Variants in RGS6 observed in about 807,000 individuals in gnomAD.
RGS6 encodes the protein regulator of G protein signaling 6, also known as regulator of G-protein signaling 6.
Under a neutral mutation model 78.5 loss-of-function variants are expected in RGS6, and 30 were observed. The observed-to-expected ratio is 0.38, with a 90% confidence interval of 0.29 to 0.52. The LOEUF (loss-of-function observed/expected upper bound fraction) is 0.52, where lower values mean the gene tolerates loss of function less well. Among genes scored for constraint, RGS6 ranks in the 20% least tolerant of loss-of-function variants. The pLI is 0.85. For synonymous variants in RGS6, 206 were observed against 206.0 expected (o/e 1.00, Z 0.00); for missense variants, 495 against 609.7 (o/e 0.81, Z 1.98).
intron 2 of RGS6, among the ~76,000 whole-genome samples, chr14:72,207,358 AC>A (rs1254365823): frequency 2.0e-5 from 3 of 152,230 alleles, no homozygotes; most frequent in Non-Finnish European, 4.4e-5. Context: ...ATATGAGATT[AC>A]TGGAAACTAG....
intron 2 of RGS6, among the ~76,000 whole-genome samples, chr14:72,274,920 A>G (rs890569497): frequency 1.3e-5 from 2 of 152,258 alleles, no homozygotes; most frequent in African/African-American, 4.8e-5. Flanking sequence ...AGAAACTAAT[A>G]CAGTTTATCT....
intron 2 of RGS6, among the ~76,000 whole-genome samples, chr14:72,143,086 G>A (rs2096561988): frequency 6.6e-6 from 1 of 152,144 alleles, no homozygotes; most frequent in Admixed American, 6.6e-5. Context: ...GAAGACAACT[G>A]GCTGGGCTCC....
the RGS6 span, among the ~76,000 whole-genome samples, chr14:71,920,822 A>G: frequency 6.6e-6 from 1 of 152,250 alleles, no homozygotes; most frequent in South Asian, 2.1e-4. Flanking sequence ...ATATGACCCC[A>G]GAAGCACAGG....
intron 3 of RGS6, among the ~76,000 whole-genome samples, chr14:72,442,717 T>G (rs1227995291): frequency 6.6e-6 from 1 of 152,210 alleles, no homozygotes; most frequent in East Asian, 1.9e-4. Flanking sequence ...TTCTATCGTA[T>G]TCTACAGAAA....
At chr14:72,582,742 G>A in the RGS6 span, among the ~76,000 whole-genome samples, 1 of 152,116 alleles carries the variant, frequency 6.6e-6, no homozygotes, top group Admixed American at 6.5e-5. Context: ...ACTAGGTATT[G>A]GATGAATGAC....
chr14:72,047,471 A>C (rs1194092777), intron 2 of RGS6, among the ~76,000 whole-genome samples: 1 of 152,214 alleles, frequency 6.6e-6, no homozygotes, highest in African/African-American at 2.4e-5. Context: ...TTTAGCTACT[A>C]ACATTTATCA....
intron 2 of RGS6, among the ~76,000 whole-genome samples, chr14:72,083,256 T>C (rs1271004261): frequency 6.6e-6 from 1 of 152,086 alleles, no homozygotes; most frequent in Non-Finnish European, 1.5e-5. Context: ...AGATCAACGG[T>C]TCCCAACCAG....
At chr14:72,352,932 T>A (rs1208454198) in intron 3 of RGS6, among the ~76,000 whole-genome samples, 2 of 152,248 alleles carry the variant, frequency 1.3e-5, no homozygotes, top group Admixed American at 1.3e-4. Context: ...TAAGATAAAA[T>A]TTTAGATGAT....
At chr14:72,213,463 A>AC (rs1198931844) in intron 2 of RGS6, among the ~76,000 whole-genome samples, 2 of 151,980 alleles carry the variant, frequency 1.3e-5, no homozygotes, top group Non-Finnish European at 2.9e-5. Flanking sequence ...CTGAACGTTT[A>AC]CCCCCCTGTG....
At chr14:72,293,001 T>C (rs2063904948) in intron 2 of RGS6, among the ~76,000 whole-genome samples, 1 of 152,254 alleles carries the variant, frequency 6.6e-6, no homozygotes, top group Non-Finnish European at 1.5e-5. Flanking sequence ...TCCCTGGATA[T>C]ATTTGTATTG....
intron 2 of RGS6, among the ~76,000 whole-genome samples, chr14:72,095,789 C>A (rs2158991): frequency 0.076 from 11,632 of 152,194 alleles, 1,214 homozygotes; most frequent in African/African-American, 0.23. Flanking sequence ...AGTGGAAAAC[C>A]GTATTTCAAT....
intron 2 of RGS6, among the ~76,000 whole-genome samples, chr14:72,072,316 T>G (rs1408004821): frequency 2.6e-5 from 4 of 151,436 alleles, no homozygotes; most frequent in East Asian, 1.9e-4. Flanking sequence ...TTTGTTTGTT[T>G]TTTTTTTTTT....
intron 2 of RGS6, among the ~76,000 whole-genome samples, chr14:72,252,234 G>A (rs1198845279): frequency 8.3e-6 from 1 of 120,586 alleles, no homozygotes; most frequent in Non-Finnish European, 1.7e-5. Flanking sequence ...TCAAATGTAT[G>A]TGTGGGCTTT....
chr14:72,370,299 G>A (rs1295769792), intron 3 of RGS6, among the ~76,000 whole-genome samples: 2 of 152,182 alleles, frequency 1.3e-5, no homozygotes, highest in Non-Finnish European at 2.9e-5. Flanking sequence ...GGTAATCCAA[G>A]AGAGCACCTG....
chr14:71,917,403 G>A, the RGS6 span, among the ~76,000 whole-genome samples: 1 of 152,092 alleles, frequency 6.6e-6, no homozygotes, highest in African/African-American at 2.4e-5. Context: ...AAAGCAGTTG[G>A]GTAGGGAAAA....
chr14:72,018,950 TGAA>T (rs2087721011), intron 2 of RGS6, among the ~76,000 whole-genome samples: 1 of 152,154 alleles, frequency 6.6e-6, no homozygotes, highest in Non-Finnish European at 1.5e-5. Context: ...GAGGTGAGTG[TGAA>T]TGTGTGTCTT....
At chr14:72,290,391 A>T (rs975136204) in intron 2 of RGS6, among the ~76,000 whole-genome samples, 1 of 152,118 alleles carries the variant, frequency 6.6e-6, no homozygotes, top group African/African-American at 2.4e-5. Context: ...CATGTTTTCG[A>T]TAGCTTCACA....
intron 2 of RGS6, among the ~76,000 whole-genome samples, chr14:72,307,527 T>C (rs2152439891): frequency 6.6e-6 from 1 of 152,322 alleles, no homozygotes; most frequent in African/African-American, 2.4e-5. Flanking sequence ...ACAATAATTC[T>C]TTTTTCCATT....
At chr14:71,884,651 T>C in the RGS6 span, among the ~76,000 whole-genome samples, 1 of 152,184 alleles carries the variant, frequency 6.6e-6, no homozygotes, top group Non-Finnish European at 1.5e-5. Context: ...CAAGACACAC[T>C]TTGTTCTTCT....
Sources: allele counts gnomAD v4.1 joint callset (sites outside exome capture counted in the v4.1 genomes callset), GRCh38; gene constraint gnomAD v4.1.1; transcripts MANE v1.5; gene names NCBI Gene and HGNC (gene_info 2026-07-23, HGNC 2026-07-21).